The following MAP2K6 variants were observed in gnomAD, a reference collection of about 807,000 sequenced individuals.
MAP2K6 encodes mitogen-activated protein kinase kinase 6.
Under a neutral mutation model 53.7 loss-of-function variants are expected in MAP2K6, and 16 were observed. The observed-to-expected ratio is 0.30, with a 90% CI of 0.20 to 0.45. MAP2K6 has a LOEUF of 0.45. Ranked by LOEUF, MAP2K6 falls within the 20% of genes least tolerant of loss-of-function variation. The pLI is 1.00. For missense variants in MAP2K6, 204 were observed against 411.9 expected, an observed-to-expected ratio of 0.50 and a Z score of 4.37; for synonymous variants, 132 against 143.1, an observed-to-expected ratio of 0.92 and a Z score of 0.55.
intron 1 of MAP2K6, among the ~76,000 whole-genome samples, chr17:69,492,325 G>T (rs896001991): frequency 6.6e-6 from 1 of 152,066 alleles, no homozygotes; most frequent in East Asian, 1.9e-4. Flanking sequence ...GTTGGTTTTC[G>T]TATATGGTAT....
intron 1 of MAP2K6, among the ~76,000 whole-genome samples, chr17:69,425,996 A>G (rs1011088177): frequency 6.6e-6 from 1 of 152,076 alleles, no homozygotes; most frequent in Non-Finnish European, 1.5e-5. Context: ...CAAACTCTGC[A>G]TATACCTAAA....
intron 9 of MAP2K6, 29 bp from the exon 10 acceptor site, chr17:69,526,541 G>A: frequency 3.1e-6 from 5 of 1,609,348 alleles, no homozygotes; most frequent in Non-Finnish European, 3.4e-6. Flanking sequence ...TGTTGAAACT[G>A]TTGTCTCCTT....
At chr17:69,530,542 G>A (rs192351744) in intron 10 of MAP2K6, among the ~76,000 whole-genome samples, 3 of 152,146 alleles carry the variant, frequency 2.0e-5, no homozygotes, top group Non-Finnish European at 2.9e-5. Context: ...GAAGGGAATC[G>A]TTAATTCTGA....
Position 69,536,098 on chromosome 17 carries a change from A to ATT in MAP2K6, c.882-9_882-8dup. On this transcript the variant is annotated splice_polypyrimidine_tract_variant and intron_variant, in intron 10 of 11. Transcript: ENST00000590474. ...ATATGGCTTCTAGATTTTAATGATT[A>ATT]TTTTTTTTTCTTTAAGCTTAAAGAA... The ATT allele has an allele frequency of 2.6e-6, 4 of 1,526,602 alleles. No homozygotes were observed. The highest frequency in any genetic ancestry group is 3.6e-6 in the Non-Finnish European group (4 of 1,106,004). The allele number at this position is 1,526,602 out of a possible 1,614,324, so 94.6% of individuals were successfully genotyped here.
chr17:69,414,708 T>G lies in MAP2K6; in HGVS notation c.-277T>G. On this transcript the variant is annotated 5_prime_UTR_variant, in exon 1 of 12. Coordinates refer to ENST00000590474, the MANE Select transcript of MAP2K6 (RefSeq NM_002758.4). Reference sequence around the variant, plus strand: ...GCACTAAGATACTCAGTTCCAAGTTTGGAGCTTTTAGCTGCCAGCCCTGGC... The same window carrying G: ...GCACTAAGATACTCAGTTCCAAGTTGGGAGCTTTTAGCTGCCAGCCCTGGC... 1 of 400,888 alleles carries G rather than the reference T, an allele frequency of 2.5e-6. No homozygotes were observed. The highest frequency in any genetic ancestry group is 4.5e-6 in the Non-Finnish European group (1 of 220,200). The allele number at this position is 400,888 out of a possible 1,614,324, so 24.8% of individuals were successfully genotyped here.
intron 11 of MAP2K6, among the ~76,000 whole-genome samples, 173 bp downstream of exon 11, chr17:69,536,333 T>C (rs1827905204): frequency 6.6e-6 from 1 of 152,254 alleles, no homozygotes; most frequent in African/African-American, 2.4e-5. Context: ...TACATCCTTC[T>C]TAAACATAGG....
intron 2 of MAP2K6, among the ~76,000 whole-genome samples, chr17:69,509,850 T>C (rs189582980): frequency 6.6e-6 from 1 of 152,154 alleles, no homozygotes; most frequent in East Asian, 1.9e-4. Flanking sequence ...TTGTTTGTTT[T>C]TGTTTTTTTG....
Position 69,541,724 on chromosome 17 carries a change from T to A in MAP2K6, c.976T>A (p.Ser326Thr). ...TGAATCCAAAGGAACAGATGTGGCA[T>A]CTTTTGTAAAACTGATTCTTGGAGA... ...LHESKGTDVA[S>T]FVKLILGD Residue 326 changes from serine (S) to threonine (T), a missense_variant, in exon 12 of 12, where the codon TCT (serine) becomes ACT (threonine). Transcript: ENST00000590474. The A allele has an allele frequency of 6.2e-7, 1 of 1,612,886 alleles. No individual in the cohort carries two copies. The highest frequency in any genetic ancestry group is 8.5e-7 in the Non-Finnish European group (1 of 1,179,140).
At chr17:69,469,297 G>A (rs992948251) in intron 1 of MAP2K6, among the ~76,000 whole-genome samples, 6 of 152,128 alleles carry the variant, frequency 3.9e-5, no homozygotes, top group Non-Finnish European at 5.9e-5. Context: ...TTTTGAGCCC[G>A]CTCAAAATAT....
At chr17:69,529,228 G>C (rs925382211) in intron 10 of MAP2K6, among the ~76,000 whole-genome samples, 20 of 152,118 alleles carry the variant, frequency 1.3e-4, no homozygotes, top group Non-Finnish European at 2.5e-4. Flanking sequence ...GAGGGGCCAA[G>C]ATACTAATAT....
chr17:69,430,916 CA>C (rs757220509), intron 1 of MAP2K6, among the ~76,000 whole-genome samples: 1 of 152,194 alleles, frequency 6.6e-6, no homozygotes, highest in Non-Finnish European at 1.5e-5. Flanking sequence ...AACAATGTAT[CA>C]GGGGGATGTA....
chr17:69,485,427 CT>C, intron 1 of MAP2K6: 1 of 972,166 alleles, frequency 1.0e-6, no homozygotes, highest in Non-Finnish European at 1.2e-6. Flanking sequence ...TGAATTTTCT[CT>C]TATCTCTATG....
At chr17:69,492,524 C>T (rs1908791315) in intron 1 of MAP2K6, among the ~76,000 whole-genome samples, 1 of 152,160 alleles carries the variant, frequency 6.6e-6, no homozygotes, top group East Asian at 1.9e-4. Flanking sequence ...AATTTTTTCT[C>T]TGACATCTGG....
chr17:69,528,880 A>G (rs1910926893), intron 10 of MAP2K6, among the ~76,000 whole-genome samples: 1 of 151,124 alleles, frequency 6.6e-6, no homozygotes, highest in Non-Finnish European at 1.5e-5. Context: ...AAAAAAAAAA[A>G]AAAAAAAAGA....
intron 1 of MAP2K6, among the ~76,000 whole-genome samples, chr17:69,453,072 T>G (rs999266915): frequency 6.6e-6 from 1 of 152,126 alleles, no homozygotes; most frequent in Non-Finnish European, 1.5e-5. Flanking sequence ...TGGAGACACT[T>G]TGCCTTTTGC....
intron 11 of MAP2K6, 122 bp from the exon 12 acceptor site, chr17:69,541,554 G>A (rs1911634524): frequency 3.2e-6 from 2 of 618,970 alleles, no homozygotes; most frequent in South Asian, 2.1e-5. Context: ...GGTAGGAAAA[G>A]CCCAGCCTAG....
intron 11 of MAP2K6, among the ~76,000 whole-genome samples, chr17:69,538,387 T>C (rs1911456368): frequency 6.6e-6 from 1 of 152,220 alleles, no homozygotes; most frequent in Non-Finnish European, 1.5e-5. Flanking sequence ...TATATCAATG[T>C]TATAAAATCA....
intron 1 of MAP2K6, among the ~76,000 whole-genome samples, chr17:69,468,878 G>A (rs746594285): frequency 3.3e-5 from 5 of 152,198 alleles, no homozygotes; most frequent in African/African-American, 1.2e-4. Context: ...AAGCAATCCA[G>A]ACAGAATGAA....
chr17:69,482,991 T>C lies in MAP2K6; in HGVS notation c.17-22789T>C, dbSNP rs145346695. On this transcript the variant is annotated intron_variant, in intron 1 of 11. Transcript: ENST00000590474. ...TTTATTAATCTAGTGATGACTGTCT[T>C]CATGAGGGCTTGGCAGGAGTCAAAG... Among the ~76,000 whole-genome samples, 4 of 152,078 alleles carry C rather than the reference T, an allele frequency of 2.6e-5. No individual in the cohort carries two copies. In the East Asian group the frequency reaches 7.7e-4, roughly 29 times the overall value.
Sources: gnomAD v4.1 joint callset for allele counts (sites outside exome capture counted in the v4.1 genomes callset) on GRCh38, gnomAD v4.1.1 for gene constraint, MANE v1.5 for transcripts, NCBI Gene and HGNC (gene_info 2026-07-23, HGNC 2026-07-21) for gene names.